The following CACNA1A variants were observed in gnomAD, a reference collection of about 807,000 sequenced individuals.
CACNA1A encodes the protein calcium voltage-gated channel subunit alpha1 A, also known as voltage-dependent P/Q-type calcium channel subunit alpha-1A.
CACNA1A carries 57 observed loss-of-function variants against 262.4 expected under a neutral mutation model. The observed-to-expected ratio is 0.22, with a 90% CI of 0.18 to 0.27. The LOEUF (loss-of-function observed/expected upper bound fraction) is 0.27. CACNA1A is among the 10% of genes least tolerant of loss of function. The probability of loss-of-function intolerance (pLI) is 1.00; values close to 1 mark genes in which losing one functional copy is unlikely to be tolerated. For missense variants in CACNA1A, 2,526 were observed against 3,562.8 expected, an observed-to-expected ratio of 0.71 and a Z score of 7.41; for synonymous variants, 1,431 against 1,419.3, an observed-to-expected ratio of 1.01 and a Z score of -0.18.
intron 1 of CACNA1A, among the ~76,000 whole-genome samples, chr19:13,471,007 G>A (rs2061338024): frequency 6.6e-6 from 1 of 152,126 alleles, no homozygotes; most frequent in South Asian, 2.1e-4. Flanking sequence ...CCCTTCAAAG[G>A]CTCTAGGGGA....
At chr19:13,497,353 C>A (rs1403043600) in intron 1 of CACNA1A, among the ~76,000 whole-genome samples, 1 of 149,094 alleles carries the variant, frequency 6.7e-6, no homozygotes, top group African/African-American at 2.5e-5. Flanking sequence ...AGCAAACAAA[C>A]AAACAATCCC....
intron 3 of CACNA1A, among the ~76,000 whole-genome samples, chr19:13,423,875 C>A (rs2060356669): frequency 6.6e-6 from 1 of 152,130 alleles, no homozygotes; most frequent in Non-Finnish European, 1.5e-5. Flanking sequence ...GCCAGAGCTA[C>A]TCTGAGAGAT....
At chr19:13,490,780 GGAAA>G (rs59419168) in intron 1 of CACNA1A, among the ~76,000 whole-genome samples, 17,514 of 141,784 alleles carry the variant, frequency 0.12, 2,307 homozygotes, top group African/African-American at 0.34. Flanking sequence ...AGGAAGGAAA[GGAAA>G]GAAAGGAAAG....
At chr19:13,456,010 C>T (rs903632834) in intron 1 of CACNA1A, among the ~76,000 whole-genome samples, 3 of 151,672 alleles carry the variant, frequency 2.0e-5, no homozygotes, top group East Asian at 1.9e-4. Context: ...ATTAGCCAGG[C>T]GTGGTGGTAC....
chr19:13,271,586 A>G lies in CACNA1A; in HGVS notation c.3989+4264T>C, dbSNP rs766729991. ...TCGCTTTTGCAGATTAGCTTTGTTT[A>G]AAAGAGGAGGCTAATTTTACCTCCA... On this transcript the variant is annotated intron_variant, in intron 24 of 46. Coordinates refer to ENST00000360228, the MANE Select transcript of CACNA1A (RefSeq NM_001127222.2). The G allele has an allele frequency of 3.3e-5, 5 of 152,146 alleles. No individual in the cohort carries two copies. The East Asian group carries it at 9.6e-4, about 29-fold the overall frequency. 9.4% of individuals were successfully genotyped at this position (152,146 alleles called of 1,614,324 possible).
intron 38 of CACNA1A, among the ~76,000 whole-genome samples, chr19:13,218,645 T>C (rs2055108598): frequency 6.6e-6 from 1 of 152,220 alleles, no homozygotes; most frequent in African/African-American, 2.4e-5. Context: ...AGTGGCGTGA[T>C]CTTGGCTTAA....
At chr19:13,319,267 T>G (rs1355086233) in intron 10 of CACNA1A, among the ~76,000 whole-genome samples, 3 of 152,214 alleles carry the variant, frequency 2.0e-5, no homozygotes, top group Non-Finnish European at 4.4e-5. Flanking sequence ...ATTCATTCAT[T>G]AGTACATTCA....
chr19:13,228,343 G>A (rs2055544792), intron 36 of CACNA1A, among the ~76,000 whole-genome samples: 1 of 151,938 alleles, frequency 6.6e-6, no homozygotes, highest in Non-Finnish European at 1.5e-5. Flanking sequence ...GAGGGGTGGA[G>A]GGGGAGAGAG....
chr19:13,505,850 G>T, intron 1 of CACNA1A, 82 bp downstream of exon 1: 2 of 1,424,628 alleles, frequency 1.4e-6, no homozygotes, highest in Non-Finnish European at 1.9e-6. Context: ...CAACCCCCGG[G>T]TCTCTCTCCC....
At chr19:13,444,517 T>C (rs1488533991) in intron 3 of CACNA1A, among the ~76,000 whole-genome samples, 2 of 152,166 alleles carry the variant, frequency 1.3e-5, no homozygotes, top group African/African-American at 4.8e-5. Flanking sequence ...CCTCTGAGAC[T>C]TGGTTTCCTC....
Position 13,259,714 on chromosome 19 carries a change from GT to G in CACNA1A, c.4251-14del. The G allele has an allele frequency of 6.2e-7, 1 of 1,610,502 alleles. No homozygotes were observed. The highest frequency in any genetic ancestry group is 8.5e-7 in the Non-Finnish European group (1 of 1,178,370). ...GAGGTATTTGCCTCTGCCACAGAGA[GT>G]GGGGACTGTTAGTAAATGGGAAAGA... On this transcript the variant is annotated splice_polypyrimidine_tract_variant and intron_variant, in intron 26 of 46. Coordinates refer to ENST00000360228, the MANE Select transcript of CACNA1A (RefSeq NM_001127222.2).
chr19:13,236,666 A>T lies in CACNA1A; in HGVS notation c.4951-936T>A, dbSNP rs1017616466. On this transcript the variant is annotated intron_variant, in intron 31 of 46. Transcript: ENST00000360228. The surrounding 1 kb of genome is among the most constrained non-coding windows in gnomAD (Gnocchi z 4.6). ...AGCTCCCATGGGTGGGTGAGCTCAGAAATCAGCCCGGGCCCACCAAGGGGC... is the reference window on the plus strand; with the variant it reads ...AGCTCCCATGGGTGGGTGAGCTCAGTAATCAGCCCGGGCCCACCAAGGGGC... 3.3e-5 allele frequency: 5 copies of T among 152,534 alleles called. No individual in the cohort carries two copies. The highest frequency in any genetic ancestry group is 1.2e-4 in the African/African-American group (5 of 41,404). The allele number at this position is 152,534 out of a possible 1,614,324, so 9.4% of individuals were successfully genotyped here.
chr19:13,431,083 TTGTGGGTCCC>T (rs1212554417), intron 3 of CACNA1A, among the ~76,000 whole-genome samples: 1 of 151,678 alleles, frequency 6.6e-6, no homozygotes, highest in African/African-American at 2.4e-5. Context: ...GGGGCAGAGT[TTGTGGGTCCC>T]TGTGAGGAGA....
chr19:13,471,772 G>T (rs1342066012), intron 1 of CACNA1A, among the ~76,000 whole-genome samples: 1 of 152,124 alleles, frequency 6.6e-6, no homozygotes. Context: ...AGTGGTGGGG[G>T]TTGGGGGGAT....
chr19:13,502,355 C>T (rs955395549), intron 1 of CACNA1A, among the ~76,000 whole-genome samples: 3 of 152,118 alleles, frequency 2.0e-5, no homozygotes, highest in Non-Finnish European at 4.4e-5. Context: ...AGTGTTCCTC[C>T]GATGGCCTGA....
intron 38 of CACNA1A, chr19:13,215,010 GTGTT>G (rs1568426687): frequency 6.8e-4 from 104 of 153,126 alleles, no homozygotes; most frequent in South Asian, 3.1e-3. Context: ...GTGTGTGTGT[GTGTT>G]TTTTTTTTTT....
intron 23 of CACNA1A, 126 bp from the exon 24 acceptor site, chr19:13,276,082 T>C (rs1261348453): frequency 3.1e-6 from 2 of 638,972 alleles, no homozygotes; most frequent in East Asian, 2.7e-5. Context: ...CTTGCAGGGA[T>C]GGGCAGTGGC....
intron 16 of CACNA1A, 66 bp from the exon 17 acceptor site, chr19:13,303,679 G>C (rs1309088150): frequency 1.3e-6 from 2 of 1,560,662 alleles, no homozygotes; most frequent in Non-Finnish European, 1.8e-6. Context: ...GGGTATCTGG[G>C]TCTCTCAGTA....
chr19:13,470,839 A>G (rs1250142161), intron 1 of CACNA1A, among the ~76,000 whole-genome samples: 2 of 152,186 alleles, frequency 1.3e-5, no homozygotes, highest in Non-Finnish European at 2.9e-5. Context: ...TCTTAGCAAT[A>G]GCTATACCAC....
Sources: gnomAD v4.1 joint callset for allele counts (sites outside exome capture counted in the v4.1 genomes callset) on GRCh38, gnomAD v4.1.1 for gene constraint, Gnocchi (gnomAD v3.1) non-coding constraint, MANE v1.5 for transcripts, NCBI Gene and HGNC (gene_info 2026-07-23, HGNC 2026-07-21) for gene names.